Variants in AGBL1 observed in about 807,000 individuals in gnomAD.
AGBL1 encodes AGBL carboxypeptidase 1.
Under a neutral mutation model 118.9 loss-of-function variants are expected in AGBL1, and 130 were observed. The ratio of observed to expected loss-of-function variants is 1.09; its 90% CI spans 0.95 to 1.26. The LOEUF (loss-of-function observed/expected upper bound fraction) is 1.26, where lower values mean the gene tolerates loss of function less well. AGBL1 is among the 50% of genes most tolerant of loss of function. The probability of loss-of-function intolerance (pLI) is 0.00; values close to 1 mark genes in which losing one functional copy is unlikely to be tolerated. For synonymous variants in AGBL1, 555 were observed against 478.9 expected, an observed-to-expected ratio of 1.16 and a Z score of -2.08; for missense variants, 1,584 against 1,298.1, an observed-to-expected ratio of 1.22 and a Z score of -3.38.
At chr15:86,834,474 C>A (rs953843251) in intron 22 of AGBL1, among the ~76,000 whole-genome samples, 4 of 152,172 alleles carry the variant, frequency 2.6e-5, no homozygotes, top group Non-Finnish European at 5.9e-5. Context: ...AAGAGAGCTC[C>A]ATGAATAATT....
At chr15:86,990,310 T>C (rs1186922165) in intron 24 of AGBL1, among the ~76,000 whole-genome samples, 1 of 152,126 alleles carries the variant, frequency 6.6e-6, no homozygotes, top group Non-Finnish European at 1.5e-5. Context: ...AGGTCAGTAG[T>C]TCAAGACCAG....
intron 18 of AGBL1, among the ~76,000 whole-genome samples, chr15:86,515,714 C>G (rs916232014): frequency 5.3e-5 from 8 of 152,178 alleles, no homozygotes; most frequent in Non-Finnish European, 7.4e-5. Context: ...AGTAGCACAG[C>G]CTAAGGTTTC....
rs556416513 is a variant in AGBL1 at position 86,624,133 on chromosome 15, TAATTGTCCTATAATG to T, written c.2995-50128_2995-50114del. 2.4e-4 allele frequency among the ~76,000 whole-genome samples: 36 copies of T among 152,368 alleles called. No individual in the cohort carries two copies. In the South Asian group the frequency reaches 7.0e-3, roughly 30 times the overall value. ...ACACACATGTGTGAATAGCATCATCTAATTGTCCTATAATGAATTGTCCTATGTCAGAGCATGCCT... is the reference window on the plus strand; with the variant it reads ...ACACACATGTGTGAATAGCATCATCTAATTGTCCTATGTCAGAGCATGCCT... On this transcript the variant is annotated intron_variant, in intron 21 of 22. Transcript: ENST00000614907.
At chr15:86,414,925 G>C (rs1954204402) in intron 18 of AGBL1, among the ~76,000 whole-genome samples, 1 of 152,166 alleles carries the variant, frequency 6.6e-6, no homozygotes, top group Admixed American at 6.6e-5. Context: ...ACTTGTCATA[G>C]GTTGGGTTAT....
chr15:86,569,060 C>T, intron 21 of AGBL1, among the ~76,000 whole-genome samples: 1 of 151,034 alleles, frequency 6.6e-6, no homozygotes, highest in Non-Finnish European at 1.5e-5. Flanking sequence ...TTCTCAAAGT[C>T]TTGGAAAAGA....
intron 5 of AGBL1, among the ~76,000 whole-genome samples, chr15:86,175,300 A>G (rs1157973988): frequency 6.6e-6 from 1 of 152,046 alleles, no homozygotes; most frequent in Admixed American, 6.5e-5. Flanking sequence ...ATTTGCTAGC[A>G]TATAGTTGTT....
intron 18 of AGBL1, among the ~76,000 whole-genome samples, chr15:86,421,968 A>G (rs972689348): frequency 6.6e-6 from 1 of 152,200 alleles, no homozygotes; most frequent in Non-Finnish European, 1.5e-5. Flanking sequence ...TTAGAGACCT[A>G]CAAAGAGACT....
At chr15:86,204,158 CA>C (rs1266578175) in intron 5 of AGBL1, among the ~76,000 whole-genome samples, 1 of 152,198 alleles carries the variant, frequency 6.6e-6, no homozygotes, top group East Asian at 1.9e-4. Context: ...CTAAGCTTGT[CA>C]AGCCACTTAG....
At chr15:86,466,850 C>A (rs2082414592) in intron 18 of AGBL1, among the ~76,000 whole-genome samples, 1 of 152,140 alleles carries the variant, frequency 6.6e-6, no homozygotes, top group African/African-American at 2.4e-5. Context: ...AAATTGCTGC[C>A]TGCTTCTTCC....
chr15:86,797,539 C>G (rs988651569), intron 22 of AGBL1, among the ~76,000 whole-genome samples: 1 of 152,198 alleles, frequency 6.6e-6, no homozygotes, highest in Non-Finnish European at 1.5e-5. Context: ...TGATAGCTCT[C>G]TCCCTATTGA....
chr15:86,231,703 G>A (rs1202175451), intron 6 of AGBL1, among the ~76,000 whole-genome samples: 1 of 152,192 alleles, frequency 6.6e-6, no homozygotes, highest in Non-Finnish European at 1.5e-5. Context: ...AGTTTGGAAA[G>A]CTGAAGTAAC....
intron 22 of AGBL1, among the ~76,000 whole-genome samples, chr15:86,708,160 T>A (rs1176548960): frequency 1.3e-5 from 2 of 152,142 alleles, no homozygotes; most frequent in Non-Finnish European, 2.9e-5. Context: ...TCTCTCCAAA[T>A]GTAGTTACAT....
chr15:87,014,084 T>C (rs537157273), intron 24 of AGBL1, among the ~76,000 whole-genome samples: 97 of 152,362 alleles, frequency 6.4e-4, no homozygotes, highest in African/African-American at 2.3e-3. Flanking sequence ...TTATTATTTC[T>C]TGTATTAATT....
intron 21 of AGBL1, among the ~76,000 whole-genome samples, chr15:86,619,233 A>G (rs1480737199): frequency 6.6e-6 from 1 of 152,136 alleles, no homozygotes; most frequent in African/African-American, 2.4e-5. Context: ...ATCTTTTTTA[A>G]TAGACGTGAC....
At chr15:86,693,474 T>C (rs986673040) in intron 22 of AGBL1, among the ~76,000 whole-genome samples, 2 of 152,156 alleles carry the variant, frequency 1.3e-5, no homozygotes, top group Non-Finnish European at 2.9e-5. Context: ...TGCTAATTTT[T>C]TGAGTTCCTT....
At chr15:86,152,800 C>A (rs1261634787) in intron 3 of AGBL1, among the ~76,000 whole-genome samples, 1 of 152,114 alleles carries the variant, frequency 6.6e-6, no homozygotes, top group Non-Finnish European at 1.5e-5. Context: ...CTACAAAGAA[C>A]TCAAACAAAT....
chr15:86,528,577 C>G (rs1295096027), intron 19 of AGBL1, among the ~76,000 whole-genome samples: 1 of 139,100 alleles, frequency 7.2e-6, no homozygotes, highest in Non-Finnish European at 1.6e-5. Context: ...ACAAAGCAGC[C>G]GGGAAGCTCG....
chr15:86,503,080 A>G (rs936075097), intron 18 of AGBL1, among the ~76,000 whole-genome samples: 1 of 151,530 alleles, frequency 6.6e-6, no homozygotes, highest in Non-Finnish European at 1.5e-5. Flanking sequence ...TTCAGCTTTG[A>G]TTTGTGAGAG....
In AGBL1 at chr15:86,758,919, G is replaced by A. The variant is rs180681646; in HGVS notation, c.3158+84483G>A. Among the ~76,000 whole-genome samples the A allele has an allele frequency of 5.7e-5, 8 of 141,058 alleles. No homozygotes were observed. The East Asian group carries it at 1.7e-3, about 30-fold the overall frequency. 92.5% of individuals were successfully genotyped at this position (141,058 alleles called of 152,430 possible). On this transcript the variant is annotated intron_variant, in intron 22 of 22. Transcript: ENST00000614907. Reference sequence around the variant, plus strand: ...GCCTGGGAGGCAGAGGTTGCAGTAAGTGGAGATTGCACCATGGCACTCCAG... The same window carrying A: ...GCCTGGGAGGCAGAGGTTGCAGTAAATGGAGATTGCACCATGGCACTCCAG...
Sources: gnomAD v4.1 joint callset for allele counts (sites outside exome capture counted in the v4.1 genomes callset) on GRCh38, gnomAD v4.1.1 for gene constraint, MANE v1.5 for transcripts, NCBI Gene and HGNC (gene_info 2026-07-23, HGNC 2026-07-21) for gene names.